PARVB: variants seen among roughly 807,000 people sequenced by gnomAD.
The protein encoded by PARVB is beta-parvin.
PARVB carries 46 observed loss-of-function variants against 47.0 expected under a neutral mutation model. The observed-to-expected ratio is 0.98, with a 90% CI of 0.77 to 1.25. PARVB has a LOEUF of 1.25. PARVB is among the 50% of genes most tolerant of loss of function. PARVB has a pLI of 0.00. For missense variants in PARVB, 473 were observed against 471.6 expected (o/e 1.00, Z -0.03); for synonymous variants, 196 against 196.3 (o/e 1.00, Z 0.01).
intron 1 of PARVB, among the ~76,000 whole-genome samples, chr22:44,078,891 A>AT (rs1041075813): frequency 3.3e-5 from 5 of 152,030 alleles, no homozygotes; most frequent in Admixed American, 1.3e-4. Context: ...AGTGCAGCTA[A>AT]TTTTTTTGTA....
intron 8 of PARVB, chr22:44,147,330 G>A: frequency 4.0e-6 from 1 of 251,136 alleles, no homozygotes; most frequent in Non-Finnish European, 8.1e-6. Context: ...AAATGATCCT[G>A]TTTGCACTTG....
At chr22:44,071,789 A>G (rs2146981337) in intron 1 of PARVB, among the ~76,000 whole-genome samples, 1 of 152,386 alleles carries the variant, frequency 6.6e-6, no homozygotes, top group East Asian at 1.9e-4. Context: ...TTTACTAGTT[A>G]TGGGACCTTG....
chr22:44,163,085 TCTTTACAGCC>T (rs1011323678), intron 11 of PARVB, among the ~76,000 whole-genome samples: 73 of 152,160 alleles, frequency 4.8e-4, no homozygotes, highest in African/African-American at 1.8e-3. Flanking sequence ...CACGTGCAGG[TCTTTACAGCC>T]CTTCCTGGGG....
intron 2 of PARVB, among the ~76,000 whole-genome samples, chr22:44,099,218 C>G (rs555591852): frequency 6.6e-6 from 1 of 152,192 alleles, no homozygotes; most frequent in Non-Finnish European, 1.5e-5. Context: ...GTGCAGGTCC[C>G]GGAGCTGGAC....
intron 2 of PARVB, among the ~76,000 whole-genome samples, chr22:44,096,406 A>G (rs1218195284): frequency 6.6e-6 from 1 of 152,160 alleles, no homozygotes; most frequent in East Asian, 1.9e-4. Context: ...TCAAAAAATA[A>G]TAATAATTGA....
At chr22:44,067,557 C>T (rs2051563133) in intron 1 of PARVB, among the ~76,000 whole-genome samples, 1 of 152,234 alleles carries the variant, frequency 6.6e-6, no homozygotes, top group South Asian at 2.1e-4. Flanking sequence ...ATGGAAAGGC[C>T]CTCTCCATGG....
intron 1 of PARVB, among the ~76,000 whole-genome samples, chr22:44,027,695 C>T (rs914161460): frequency 6.6e-5 from 10 of 152,016 alleles, no homozygotes; most frequent in Non-Finnish European, 1.0e-4. Context: ...GTCGGGAATT[C>T]GAGACCAGCC....
At position 44,024,370 on chromosome 22, in the gene PARVB, C is replaced by T; in HGVS notation, c.31C>T (p.Arg11Trp). Residue 11 changes from arginine to tryptophan, a missense_variant, in exon 1 of 13, where the codon CGG (arginine) becomes TGG (tryptophan). Transcript: ENST00000338758. Reference protein sequence around the residue: MSSAPRSPTPRPRRMKKDESF... With the variant: MSSAPRSPTPWPRRMKKDESF... ...CTCCGCGCCGCGCTCGCCCACCCCG[C>T]GGCCCCGCAGGATGAAGAAGGACGA... 2 of 1,196,804 alleles carry T rather than the reference C, an allele frequency of 1.7e-6. No individual in the cohort carries two copies. Among genetic ancestry groups the T allele is most frequent in the South Asian group, 2.5e-5 (1 of 40,738 alleles). 74.1% of individuals were successfully genotyped at this position (1,196,804 alleles called of 1,614,324 possible). A position where few individuals can be genotyped will look rare whatever the true frequency, so the allele number is the denominator to read the frequency against.
chr22:44,106,723 C>T (rs2052576727), intron 3 of PARVB: 1 of 151,960 alleles, frequency 6.6e-6, no homozygotes, highest in Non-Finnish European at 1.5e-5. Flanking sequence ...GTCCTGTCTC[C>T]CCTAGTAGAC....
At chr22:44,070,807 A>G (rs130312) in intron 1 of PARVB, among the ~76,000 whole-genome samples, 80,956 of 151,998 alleles carry the variant, frequency 0.53, 22,725 homozygotes, top group East Asian at 0.75. Context: ...CCCTGCCCGC[A>G]CCTCCTGGGA....
intron 1 of PARVB, among the ~76,000 whole-genome samples, chr22:44,047,885 C>T (rs1364307411): frequency 6.6e-6 from 1 of 152,320 alleles, no homozygotes; most frequent in African/African-American, 2.4e-5. Context: ...GGCCTCACAT[C>T]CCTTCAGCAT....
chr22:44,090,083 C>T (rs960523055), intron 1 of PARVB, among the ~76,000 whole-genome samples: 1 of 152,208 alleles, frequency 6.6e-6, no homozygotes, highest in Non-Finnish European at 1.5e-5. Flanking sequence ...TGTGTGGGTG[C>T]TCACGGTTCC....
chr22:44,005,764 T>G (rs1236015750), intron 2 of PARVB, among the ~76,000 whole-genome samples: 1 of 152,200 alleles, frequency 6.6e-6, no homozygotes, highest in African/African-American at 2.4e-5. Context: ...CGCAGGCCAC[T>G]TCTTCATTTA....
At chr22:44,118,197 C>T (rs1448248605) in intron 3 of PARVB, among the ~76,000 whole-genome samples, 2 of 152,100 alleles carry the variant, frequency 1.3e-5, no homozygotes, top group Non-Finnish European at 1.5e-5. Flanking sequence ...AAATGTGGTC[C>T]CCCATGAGAT....
At chr22:44,016,794 G>A (rs1034382898) in intron 2 of PARVB, among the ~76,000 whole-genome samples, 3 of 152,076 alleles carry the variant, frequency 2.0e-5, no homozygotes, top group African/African-American at 4.8e-5. Flanking sequence ...TTGGCATCAC[G>A]TCAGTGCTCA....
At chr22:44,002,678 A>G (rs868829671) in intron 2 of PARVB, among the ~76,000 whole-genome samples, 2 of 152,300 alleles carry the variant, frequency 1.3e-5, no homozygotes, top group African/African-American at 4.8e-5. Context: ...TAAATTCTGC[A>G]TTAAACGTGA....
In PARVB at chr22:44,168,833, C is replaced by A; in HGVS notation, c.*155C>A. ...CCACCCCTACCTCACGCCTGCCCCA[C>A]CCCCTGCCTCTTTTGGTTGTTGTTC... On this transcript the variant is annotated 3_prime_UTR_variant, in exon 13 of 13. Coordinates refer to ENST00000338758, the MANE Select transcript of PARVB (RefSeq NM_013327.5). 3.4e-6 allele frequency: 2 copies of A among 593,940 alleles called. No homozygotes were observed. Among genetic ancestry groups the A allele is most frequent in the South Asian group, 4.0e-5 (2 of 49,906 alleles). 36.8% of individuals were successfully genotyped at this position (593,940 alleles called of 1,614,324 possible).
intron 1 of PARVB, among the ~76,000 whole-genome samples, chr22:44,057,574 G>A (rs1055095045): frequency 2.6e-5 from 4 of 152,046 alleles, no homozygotes; most frequent in African/African-American, 7.2e-5. Context: ...ACTGGGTCTC[G>A]GGGGAGGCCT....
intron 1 of PARVB, among the ~76,000 whole-genome samples, chr22:44,031,823 G>T (rs2267599): frequency 6.6e-6 from 1 of 151,934 alleles, no homozygotes; most frequent in Non-Finnish European, 1.5e-5. Context: ...TAAGTGCTCC[G>T]TTGGATTGAT....
Sources: allele counts gnomAD v4.1 joint callset (sites outside exome capture counted in the v4.1 genomes callset), GRCh38; gene constraint gnomAD v4.1.1; transcripts MANE v1.5; gene names NCBI Gene and HGNC (gene_info 2026-07-23, HGNC 2026-07-21).